CCND1: variants seen among roughly 807,000 people sequenced by gnomAD.
CCND1 encodes the protein cyclin D1, also known as G1/S-specific cyclin-D1.
A neutral mutation model predicts 26.1 loss-of-function variants in CCND1; 9 were observed. The observed-to-expected ratio is 0.35, with a 90% CI of 0.21 to 0.60. The LOEUF is 0.60. Among genes scored for constraint, CCND1 ranks in the 20% least tolerant of loss-of-function variants. The probability of loss-of-function intolerance (pLI) is 0.79; values close to 1 mark genes in which losing one functional copy is unlikely to be tolerated. For missense variants in CCND1, 335 were observed against 392.9 expected, an observed-to-expected ratio of 0.85 and a Z score of 1.25; for synonymous variants, 194 against 166.1, an observed-to-expected ratio of 1.17 and a Z score of -1.29.
Position 69,643,266 on chromosome 11 carries a change from GC to G in CCND1, c.414+26del. The G allele has an allele frequency of 3.3e-6, 5 of 1,518,062 alleles. No homozygotes were observed. The highest frequency in any genetic ancestry group is 2.5e-5 in the East Asian group (1 of 40,292). The allele number at this position is 1,518,062 out of a possible 1,614,324, so 94.0% of individuals were successfully genotyped here. A position where few individuals can be genotyped will look rare whatever the true frequency, so the allele number is the denominator to read the frequency against. ...CTGCTGGTAACCACTGGACCCCGCC[GC>G]CCCCCGCCCCCCGCGAGCCGCACGC... On this transcript the variant is annotated intron_variant, in intron 2 of 4. Coordinates refer to ENST00000227507, the MANE Select transcript of CCND1 (RefSeq NM_053056.3).
At position 69,641,424 on chromosome 11, in the gene CCND1, C is replaced by T. The variant is rs756484510; in HGVS notation, c.111C>T (p.Thr37=). The T allele has an allele frequency of 3.7e-5, 60 of 1,613,396 alleles. No homozygotes were observed. The Admixed American group carries it at 8.3e-4, about 22-fold the overall frequency. Residue 37 remains threonine (T), a synonymous_variant, in exon 1 of 5, where the codon ACC becomes ACT. Coordinates refer to ENST00000227507, the MANE Select transcript of CCND1 (RefSeq NM_053056.3). ...VLRAMLKAEE[T]CAPSVSYFKC... ...GGGCCATGCTGAAGGCGGAGGAGAC[C>T]TGCGCGCCCTCGGTGTCCTACTTCA...
intron 1 of CCND1, 29 bp downstream of exon 1, chr11:69,641,540 A>C (rs780203299): frequency 6.2e-7 from 1 of 1,605,160 alleles, no homozygotes; most frequent in Non-Finnish European, 8.5e-7. Flanking sequence ...CTCTCTTAAG[A>C]CTTCCCTGCA....
Position 69,645,791 on chromosome 11 carries a change from G to A in CCND1, c.574+1800G>A, listed in dbSNP as rs551743435. 9.1e-4 allele frequency among the ~76,000 whole-genome samples: 139 copies of A among 152,312 alleles called. 1 individual carries two copies. The highest frequency in any genetic ancestry group is 3.3e-3 in the African/African-American group (136 of 41,584). ...CACGTGGCAAAGGTTACATTTAAAGGTGATGCTGGGTGTTCTCCCTGCACT... is the reference window on the plus strand; with the variant it reads ...CACGTGGCAAAGGTTACATTTAAAGATGATGCTGGGTGTTCTCCCTGCACT... On this transcript the variant is annotated intron_variant, in intron 3 of 4. Transcript: ENST00000227507.
chr11:69,643,767 C>G lies in CCND1; in HGVS notation c.415-65C>G, dbSNP rs1324742758. On this transcript the variant is annotated intron_variant, in intron 2 of 4. Transcript: ENST00000227507. ...CGGCGTGGCCCGGCCCCCGTGCTGC[C>G]GGCTTCCCCGCGCCCCCGGGCTGGC... is the stretch of plus-strand genomic sequence containing the variant. 14 of 1,521,966 alleles carry G rather than the reference C, an allele frequency of 9.2e-6. No homozygotes were observed. In the South Asian group the frequency reaches 1.7e-4, roughly 19 times the overall value. The allele number at this position is 1,521,966 out of a possible 1,614,324, so 94.3% of individuals were successfully genotyped here.
chr11:69,641,487 G>T lies in CCND1; in HGVS notation c.174G>T (p.Lys58Asn). 6.2e-7 allele frequency: 1 copy of T among 1,613,260 alleles called. No homozygotes were observed. The highest frequency in any genetic ancestry group is 1.3e-5 in the African/African-American group (1 of 75,056). Residue 58 changes from lysine (K) to asparagine (N), a missense_variant, in exon 1 of 5, where the codon AAG (lysine) becomes AAT (asparagine). By Grantham distance (94) the Lys-to-Asn change is moderately conservative. Coordinates refer to ENST00000227507, the MANE Select transcript of CCND1 (RefSeq NM_053056.3). ...AGGAGGTCCTGCCGTCCATGCGGAA[G>T]ATCGTCGCCACCTGGATGCTGGAGG... is the stretch of plus-strand genomic sequence containing the variant. ...VQKEVLPSMR[K>N]IVATWMLEVC...
chr11:69,649,450 C>T (rs1022632579), intron 4 of CCND1, among the ~76,000 whole-genome samples: 1 of 152,184 alleles, frequency 6.6e-6, no homozygotes, highest in Non-Finnish European at 1.5e-5. Context: ...AGGCGGAGTC[C>T]ACTCTGCCTG....
At chr11:69,648,197 C>CTA in intron 4 of CCND1, 55 bp downstream of exon 4, 1 of 1,599,270 alleles carries the variant, frequency 6.3e-7, no homozygotes, top group Non-Finnish European at 8.6e-7. Flanking sequence ...GGGGAGACAC[C>CTA]TAGTGCCACG....
Position 69,650,559 on chromosome 11 carries a change from C to G in CCND1, c.724-559C>G, listed in dbSNP as rs532383645. On this transcript the variant is annotated intron_variant, in intron 4 of 4. Coordinates refer to ENST00000227507, the MANE Select transcript of CCND1 (RefSeq NM_053056.3). ...CTGATGGCTGGCCCCGGGGCACAGG[C>G]CTGAGCGGGAGAGGATGGAGGGGAG... 2.0e-5 allele frequency among the ~76,000 whole-genome samples: 3 copies of G among 152,292 alleles called. No homozygotes were observed. The South Asian group carries it at 6.2e-4, about 32-fold the overall frequency.
In CCND1 at chr11:69,643,910, C is replaced by A. The variant is rs1432185835; in HGVS notation, c.493C>A (p.Leu165Ile). 1 of 1,613,682 alleles carries A rather than the reference C, an allele frequency of 6.2e-7. No individual in the cohort carries two copies. Among genetic ancestry groups the A allele is most frequent in the Non-Finnish European group, 8.5e-7 (1 of 1,179,998 alleles). The part of the protein sequence containing the change: ...MTPHDFIEHF[L>I]SKMPEAEENK... ...CCCGCACGATTTCATTGAACACTTCCTCTCCAAAATGCCAGAGGCGGAGGA... is the reference window on the plus strand; with the variant it reads ...CCCGCACGATTTCATTGAACACTTCATCTCCAAAATGCCAGAGGCGGAGGA... Residue 165 changes from leucine to isoleucine, a missense_variant, in exon 3 of 5, where the codon CTC becomes ATC. Transcript: ENST00000227507.
At chr11:69,649,729 A>T (rs899294543) in intron 4 of CCND1, among the ~76,000 whole-genome samples, 1 of 152,096 alleles carries the variant, frequency 6.6e-6, no homozygotes, top group Non-Finnish European at 1.5e-5. Context: ...AAGGTCCTGG[A>T]GTCTAGCTGC....
At chr11:69,644,106 C>A (rs758349761) in intron 3 of CCND1, 115 bp downstream of exon 3, 12 of 1,008,822 alleles carry the variant, frequency 1.2e-5, no homozygotes, top group Non-Finnish European at 1.8e-5. Context: ...CCCAGACCCC[C>A]TCCTGCGCTG....
At chr11:69,644,961 C>T (rs1015721353) in intron 3 of CCND1, among the ~76,000 whole-genome samples, 3 of 152,198 alleles carry the variant, frequency 2.0e-5, no homozygotes, top group Admixed American at 6.5e-5. Flanking sequence ...CTTCTCCCCT[C>T]CCCAGAGGGC....
intron 3 of CCND1, among the ~76,000 whole-genome samples, chr11:69,644,760 T>TGACCCCCCTGTGACCGCCTCC (rs1395734613): frequency 2.6e-5 from 4 of 152,204 alleles, no homozygotes; most frequent in Non-Finnish European, 4.4e-5. Flanking sequence ...GCCCTGCCTC[T>TGACCCCCCTGTGACCGCCTCC]GACCCCCCTG....
rs769165547 is a variant in CCND1 at position 69,653,747 on chromosome 11, G to A, written c.*2465G>A. ...TTTTTACAGCTGTGTTATTCTTTGCGTGTAGCTATGGAAGTTGCATAATTA... is the reference window on the plus strand; with the variant it reads ...TTTTTACAGCTGTGTTATTCTTTGCATGTAGCTATGGAAGTTGCATAATTA... On this transcript the variant is annotated 3_prime_UTR_variant, in exon 5 of 5. Coordinates refer to ENST00000227507, the MANE Select transcript of CCND1 (RefSeq NM_053056.3). 83 of 285,478 alleles carry A rather than the reference G, an allele frequency of 2.9e-4. No individual in the cohort carries two copies. The highest frequency in any genetic ancestry group is 1.9e-3 in the Admixed American group (40 of 21,600). 17.7% of individuals were successfully genotyped at this position (285,478 alleles called of 1,614,324 possible).
rs1343720661 is a variant in CCND1 at position 69,653,328 on chromosome 11, G to A, written c.*2046G>A. The A allele has an allele frequency of 1.4e-6, 1 of 702,534 alleles. No homozygotes were observed. The highest frequency in any genetic ancestry group is 2.7e-5 in the East Asian group (1 of 37,282). 43.5% of individuals were successfully genotyped at this position (702,534 alleles called of 1,614,324 possible). Reference sequence around the variant, plus strand: ...TTTCACATTGTTTGCTGCTATTGGAGGATCAGTTTTTTGTTTTACAATGTC... The same window carrying A: ...TTTCACATTGTTTGCTGCTATTGGAAGATCAGTTTTTTGTTTTACAATGTC... On this transcript the variant is annotated 3_prime_UTR_variant, in exon 5 of 5. Transcript: ENST00000227507.
At position 69,653,252 on chromosome 11, in the gene CCND1, G is replaced by A. The variant is rs182627279; in HGVS notation, c.*1970G>A. 13 of 701,568 alleles carry A rather than the reference G, an allele frequency of 1.9e-5. No individual in the cohort carries two copies. Among genetic ancestry groups the A allele is most frequent in the South Asian group, 3.0e-5 (2 of 67,174 alleles). 43.5% of individuals were successfully genotyped at this position (701,568 alleles called of 1,614,324 possible). ...TCCATTTTCTTATTGCGCTGCTACC[G>A]TTGACTTCCAGGCACGGTTTGGAAA... is the stretch of plus-strand genomic sequence containing the variant. On this transcript the variant is annotated 3_prime_UTR_variant, in exon 5 of 5. Transcript: ENST00000227507.
intron 3 of CCND1, among the ~76,000 whole-genome samples, chr11:69,646,651 C>T (rs1855785686): frequency 6.6e-6 from 1 of 152,138 alleles, no homozygotes; most frequent in African/African-American, 2.4e-5. Context: ...CAGAATTCCT[C>T]GTGGGTGTGA....
At chr11:69,651,004 C>G in intron 4 of CCND1, 114 bp from the exon 5 acceptor site, 1 of 965,874 alleles carries the variant, frequency 1.0e-6, no homozygotes, top group Non-Finnish European at 1.5e-6. Flanking sequence ...CAGTTTTTGG[C>G]TTAGTCTTGC....
Position 69,653,168 on chromosome 11 carries a change from T to A in CCND1, c.*1886T>A. ...GTGAGGGAGGACAGGCGGGAGGAGG[T>A]GTGAGGAGGAGGCTCCCGAGGGGAA... On this transcript the variant is annotated 3_prime_UTR_variant, in exon 5 of 5. Coordinates refer to ENST00000227507, the MANE Select transcript of CCND1 (RefSeq NM_053056.3). 1 of 618,438 alleles carries A rather than the reference T, an allele frequency of 1.6e-6. No individual in the cohort carries two copies. The highest frequency in any genetic ancestry group is 2.9e-5 in the East Asian group (1 of 34,606). The allele number at this position is 618,438 out of a possible 1,614,324, so 38.3% of individuals were successfully genotyped here.
Sources: allele counts gnomAD v4.1 joint callset (sites outside exome capture counted in the v4.1 genomes callset), GRCh38; gene constraint gnomAD v4.1.1; transcripts MANE v1.5; gene names NCBI Gene and HGNC (gene_info 2026-07-23, HGNC 2026-07-21).